Variants in AGTPBP1 observed in about 807,000 individuals in gnomAD.
AGTPBP1 encodes the protein ATP/GTP binding carboxypeptidase 1, also known as cytosolic carboxypeptidase 1.
Under a neutral mutation model 143.9 loss-of-function variants are expected in AGTPBP1, and 70 were observed. The observed-to-expected ratio is 0.49, with a 90% CI of 0.40 to 0.59. AGTPBP1 has a LOEUF of 0.59. Among genes scored for constraint, AGTPBP1 ranks in the 20% least tolerant of loss-of-function variants. AGTPBP1 has a pLI of 0.00. For synonymous variants in AGTPBP1, 463 were observed against 500.2 expected, an observed-to-expected ratio of 0.93 and a Z score of 0.99; for missense variants, 1,229 against 1,464.5, an observed-to-expected ratio of 0.84 and a Z score of 2.62.
the AGTPBP1 span, chr9:85,765,192 T>C: frequency 7.2e-6 from 2 of 278,072 alleles, no homozygotes; most frequent in African/African-American, 4.4e-5. Context: ...TTGAGTATAT[T>C]TGCCTTCTCA....
At chr9:85,744,385 C>T (rs755535232), upstream of AGTPBP1, among the ~76,000 whole-genome samples, 1 of 152,158 alleles carries the variant, frequency 6.6e-6, no homozygotes, top group African/African-American at 2.4e-5. Context: ...TTCTCTGCCT[C>T]TATACATTGT....
chr9:85,563,415 A>G (rs1826871390), intron 25 of AGTPBP1, among the ~76,000 whole-genome samples: 1 of 152,232 alleles, frequency 6.6e-6, no homozygotes, highest in African/African-American at 2.4e-5. Context: ...GTTGGTAGAA[A>G]TACGACAGTA....
chr9:85,621,849 C>T (rs1412198154), intron 14 of AGTPBP1, among the ~76,000 whole-genome samples: 1 of 152,140 alleles, frequency 6.6e-6, no homozygotes, highest in Admixed American at 6.5e-5. Context: ...ATGCAAAATT[C>T]TCTAGACTTA....
intron 9 of AGTPBP1, among the ~76,000 whole-genome samples, chr9:85,657,954 T>C (rs1033584294): frequency 2.0e-5 from 3 of 152,170 alleles, no homozygotes; most frequent in Non-Finnish European, 4.4e-5. Context: ...TCAGGTATTT[T>C]ACAATTTATG....
In AGTPBP1 at chr9:85,610,318, G is replaced by A. The variant is rs145276416; in HGVS notation, c.2335+8665C>T. Among the ~76,000 whole-genome samples, 948 of 152,116 alleles carry A rather than the reference G, an allele frequency of 6.2e-3. 9 individuals are homozygous for A. Among genetic ancestry groups the A allele is most frequent in the African/African-American group, 0.021 (885 of 41,456 alleles). Reference sequence around the variant, plus strand: ...TTCCAAGTAATGGGGGGGTAAGAGGGGGTGATGGATTGAAACAGACACAGC... The same window carrying A: ...TTCCAAGTAATGGGGGGGTAAGAGGAGGTGATGGATTGAAACAGACACAGC... On this transcript the variant is annotated intron_variant, in intron 17 of 25. Transcript: ENST00000357081.
chr9:85,767,454 T>G, the AGTPBP1 span, among the ~76,000 whole-genome samples: 2 of 152,014 alleles, frequency 1.3e-5, no homozygotes, highest in Non-Finnish European at 2.9e-5. Flanking sequence ...TTCAAGCGAT[T>G]TCCCTGCCTC....
chr9:85,695,267 T>A (rs1749647332), intron 2 of AGTPBP1, among the ~76,000 whole-genome samples: 1 of 152,118 alleles, frequency 6.6e-6, no homozygotes, highest in Admixed American at 6.6e-5. Context: ...TACTTTCCTG[T>A]GAGAGCCTCA....
chr9:85,636,844 C>G (rs892140140), intron 13 of AGTPBP1, among the ~76,000 whole-genome samples: 3 of 152,006 alleles, frequency 2.0e-5, no homozygotes, highest in Admixed American at 2.0e-4. Flanking sequence ...AAATCCCAAA[C>G]AGGATTTTAA....
intron 2 of AGTPBP1, among the ~76,000 whole-genome samples, chr9:85,695,934 C>G (rs1023042913): frequency 6.6e-6 from 1 of 151,954 alleles, no homozygotes; most frequent in Non-Finnish European, 1.5e-5. Context: ...CTCCATGTCC[C>G]AGGTTCAAGC....
intron 23 of AGTPBP1, among the ~76,000 whole-genome samples, chr9:85,582,260 A>C (rs1828313655): frequency 6.6e-6 from 1 of 152,210 alleles, no homozygotes; most frequent in African/African-American, 2.4e-5. Context: ...GATCCTATCC[A>C]GAATCTCACA....
intron 25 of AGTPBP1, among the ~76,000 whole-genome samples, chr9:85,556,950 A>G (rs1375015524): frequency 2.0e-5 from 3 of 152,190 alleles, no homozygotes; most frequent in Non-Finnish European, 4.4e-5. Flanking sequence ...CAGATTTAAA[A>G]ACTTGATCTT....
At chr9:85,730,654 T>A (rs754896392) in intron 1 of AGTPBP1, among the ~76,000 whole-genome samples, 6 of 152,226 alleles carry the variant, frequency 3.9e-5, no homozygotes, top group African/African-American at 1.4e-4. Flanking sequence ...TGCTGTACCA[T>A]AGCTTGAACT....
chr9:85,747,481 A>G, the AGTPBP1 span, among the ~76,000 whole-genome samples: 1 of 152,200 alleles, frequency 6.6e-6, no homozygotes, highest in Non-Finnish European at 1.5e-5. Flanking sequence ...CATCTTGACA[A>G]TATTAAATTT....
the AGTPBP1 span, among the ~76,000 whole-genome samples, chr9:85,778,024 G>A: frequency 3.3e-4 from 51 of 152,318 alleles, no homozygotes; most frequent in South Asian, 0.01. Context: ...CCTGTCAACT[G>A]ATCATAGGGA....
the AGTPBP1 span, among the ~76,000 whole-genome samples, chr9:85,802,372 A>C: frequency 2.0e-5 from 3 of 152,076 alleles, no homozygotes; most frequent in South Asian, 2.1e-4. Flanking sequence ...GTCAAATCTC[A>C]GTCCTGGTTA....
At chr9:85,617,878 A>C (rs1830683912) in intron 17 of AGTPBP1, among the ~76,000 whole-genome samples, 1 of 152,212 alleles carries the variant, frequency 6.6e-6, no homozygotes, top group Non-Finnish European at 1.5e-5. Context: ...AATTCCTAAA[A>C]AGCACAAACT....
intron 1 of AGTPBP1, among the ~76,000 whole-genome samples, chr9:85,720,680 C>A (rs1304254693): frequency 6.6e-6 from 1 of 151,934 alleles, no homozygotes; most frequent in Admixed American, 6.6e-5. Flanking sequence ...CTGCTCTAAT[C>A]TTAGTTATTT....
Position 85,632,726 on chromosome 9 carries a change from A to T in AGTPBP1, c.1951T>A (p.Tyr651Asn). 1 of 1,614,132 alleles carries T rather than the reference A, an allele frequency of 6.2e-7. No individual in the cohort carries two copies. The highest frequency in any genetic ancestry group is 8.5e-7 in the Non-Finnish European group (1 of 1,179,992). ...AATGGAGGCGGAATGTGACCAAAAT[A>T]ATCGGGATAAGCCACCTCTGAATAT... ...PEYSEVAYPD[Y>N]FGHIPPPFKE... Residue 651 changes from tyrosine (Y) to asparagine (N), a missense_variant, in exon 14 of 26, where the codon TAT becomes AAT. Physicochemically the swap from Tyr to Asn is moderately radical, Grantham distance 143. Coordinates refer to ENST00000357081, the MANE Select transcript of AGTPBP1 (RefSeq NM_001330701.2).
chr9:85,692,704 G>C lies in AGTPBP1; in HGVS notation c.142C>G (p.Leu48Val), dbSNP rs778987120. ...ARYVTSKILH[L>V]AQSQEKTRRE... is the part of the protein sequence containing the mutation. Reference sequence around the variant, plus strand: ...CAATGTTTACCTTGACTCTGAGCCAGATGAAGAATTTTTGATGTAACATAT... The same window carrying C: ...CAATGTTTACCTTGACTCTGAGCCACATGAAGAATTTTTGATGTAACATAT... The change falls in exon 3 of 26, where the codon CTG becomes GTG. Residue 48 changes from leucine to valine, a missense_variant. Coordinates refer to ENST00000357081, the MANE Select transcript of AGTPBP1 (RefSeq NM_001330701.2). 1.6e-5 allele frequency: 26 copies of C among 1,613,748 alleles called. No homozygotes were observed. The South Asian group carries it at 2.9e-4, about 18-fold the overall frequency.
Sources: allele counts gnomAD v4.1 joint callset (sites outside exome capture counted in the v4.1 genomes callset), GRCh38; gene constraint gnomAD v4.1.1; transcripts MANE v1.5; gene names NCBI Gene and HGNC (gene_info 2026-07-23, HGNC 2026-07-21).